Variants in ARHGAP21 observed in about 807,000 individuals in gnomAD.
The protein encoded by ARHGAP21 is Rho GTPase activating protein 21, also known as rho GTPase-activating protein 21.
In ARHGAP21, 38 loss-of-function variants were observed where a neutral mutation model predicts 164.6. The observed-to-expected ratio is 0.23, with a 90% confidence interval of 0.18 to 0.30. ARHGAP21 has a LOEUF of 0.30. Among genes scored for constraint, ARHGAP21 ranks in the 10% least tolerant of loss-of-function variants. The pLI, the probability that ARHGAP21 is intolerant of heterozygous loss-of-function variation, is 1.00. For missense variants in ARHGAP21, 1,822 were observed against 2,370.7 expected, an observed-to-expected ratio of 0.77 and a Z score of 4.81; for synonymous variants, 766 against 857.9, an observed-to-expected ratio of 0.89 and a Z score of 1.87.
chr10:24,671,321 C>G (rs1383192577), intron 2 of ARHGAP21, among the ~76,000 whole-genome samples: 3 of 152,142 alleles, frequency 2.0e-5, no homozygotes, highest in Non-Finnish European at 4.4e-5. Context: ...CTCAAGAGAG[C>G]CTTTAGTGTT....
intron 16 of ARHGAP21, 117 bp downstream of exon 16, chr10:24,597,330 T>G: frequency 4.5e-6 from 6 of 1,329,000 alleles, no homozygotes; most frequent in South Asian, 1.6e-5. Flanking sequence ...TACTATGAAT[T>G]TTGAGCTAGT....
In ARHGAP21 at chr10:24,702,127, C is replaced by CTTTTT. The variant is rs71798625; in HGVS notation, c.63+19705_63+19709dup. ...TGAGGGGGAGAAAATACTTCCGGTT[C>CTTTTT]TTTTTTTTTTTTTTTTTTTTTGAGA... is the stretch of plus-strand genomic sequence containing the variant. On this transcript the variant is annotated intron_variant, in intron 2 of 25. Transcript: ENST00000396432. 1.0e-3 allele frequency among the ~76,000 whole-genome samples: 106 copies of CTTTTT among 104,584 alleles called. 2 individuals are homozygous for CTTTTT. Among genetic ancestry groups the CTTTTT allele is most frequent in the Non-Finnish European group, 1.2e-3 (65 of 55,882 alleles). 68.6% of individuals were successfully genotyped at this position (104,584 alleles called of 152,430 possible). A position where few individuals can be genotyped will look rare whatever the true frequency, so the allele number is the denominator to read the frequency against.
chr10:24,692,989 C>G (rs944497287), intron 2 of ARHGAP21, among the ~76,000 whole-genome samples: 1 of 151,228 alleles, frequency 6.6e-6, no homozygotes, highest in African/African-American at 2.4e-5. Flanking sequence ...AAAAACACAA[C>G]AGGTGCATAC....
At chr10:24,673,588 G>A (rs868572482) in intron 2 of ARHGAP21, among the ~76,000 whole-genome samples, 3 of 152,310 alleles carry the variant, frequency 2.0e-5, no homozygotes, top group Middle Eastern at 3.4e-3. Flanking sequence ...TAGGCCGGCC[G>A]TGGTGGCTCA....
Position 24,604,590 on chromosome 10 carries a change from G to A in ARHGAP21, c.2685-242C>T, listed in dbSNP as rs150303441. Among the ~76,000 whole-genome samples the A allele has an allele frequency of 6.8e-3, 1,041 of 152,100 alleles. 11 individuals carry two copies. The highest frequency in any genetic ancestry group is 0.024 in the African/African-American group (978 of 41,496). On this transcript the variant is annotated intron_variant, in intron 11 of 25. Transcript: ENST00000396432. Reference sequence around the variant, plus strand: ...TTAAAATTGTTTCTGCTTGAAGTGTGGGATTTTCTTTTTTTTATCAAAGAA... The same window carrying A: ...TTAAAATTGTTTCTGCTTGAAGTGTAGGATTTTCTTTTTTTTATCAAAGAA...
At chr10:24,614,851 TC>T (rs1394060906) in intron 9 of ARHGAP21, among the ~76,000 whole-genome samples, 3 of 149,922 alleles carry the variant, frequency 2.0e-5, no homozygotes, top group African/African-American at 7.4e-5. Context: ...AGCATAGCAA[TC>T]TATAAAGTGT....
rs533666457 is a variant in ARHGAP21, at chr10:24,708,707, C to CTT, written c.63+13128_63+13129dup. 3.3e-5 allele frequency among the ~76,000 whole-genome samples: 5 copies of CTT among 152,318 alleles called. No homozygotes were observed. In the South Asian group the frequency reaches 1.0e-3, roughly 32 times the overall value. On this transcript the variant is annotated intron_variant, in intron 2 of 25. Transcript: ENST00000396432. ...AACTTTCTGTGCTTGGTTTGTTTCA[C>CTT]TTAAGATAATGTCCTCCAGTTCCAT... is the stretch of plus-strand genomic sequence containing the variant.
intron 7 of ARHGAP21, among the ~76,000 whole-genome samples, chr10:24,625,180 T>C (rs1477992802): frequency 6.6e-6 from 1 of 151,162 alleles, no homozygotes; most frequent in Non-Finnish European, 1.5e-5. Flanking sequence ...CTTGATTATA[T>C]GTACAATGCC....
intron 15 of ARHGAP21, 89 bp from the exon 16 acceptor site, chr10:24,597,672 A>T: frequency 6.6e-7 from 1 of 1,525,734 alleles, no homozygotes; most frequent in Non-Finnish European, 8.8e-7. Flanking sequence ...TGGTCTGAAA[A>T]TATTAACTGG....
At chr10:24,628,798 CATAT>C (rs545938881) in intron 7 of ARHGAP21, among the ~76,000 whole-genome samples, 2 of 105,646 alleles carry the variant, frequency 1.9e-5, no homozygotes, top group African/African-American at 3.5e-5. Context: ...CATATATACA[CATAT>C]ATACATATAT....
At chr10:24,598,566 CCT>C (rs2076679970) in intron 14 of ARHGAP21, among the ~76,000 whole-genome samples, 1 of 151,976 alleles carries the variant, frequency 6.6e-6, no homozygotes, top group African/African-American at 2.4e-5. Context: ...TTTTTTTTAA[CCT>C]CTGTGAGTTA....
intron 12 of ARHGAP21, among the ~76,000 whole-genome samples, chr10:24,602,574 CATT>C (rs925466598): frequency 3.3e-5 from 5 of 152,196 alleles, no homozygotes; most frequent in African/African-American, 4.8e-5. Flanking sequence ...TGTATATCAT[CATT>C]ATCACTTTAA....
intron 2 of ARHGAP21, among the ~76,000 whole-genome samples, chr10:24,705,263 T>C (rs1004613159): frequency 1.8e-4 from 28 of 152,350 alleles, no homozygotes; most frequent in African/African-American, 6.3e-4. Context: ...CATGTTAAGA[T>C]AATTCCAGTA....
At chr10:24,674,710 A>C (rs61855021) in intron 2 of ARHGAP21, among the ~76,000 whole-genome samples, 1 of 151,962 alleles carries the variant, frequency 6.6e-6, no homozygotes, top group Non-Finnish European at 1.5e-5. Flanking sequence ...TTTTATGAAA[A>C]GTATACACAC....
chr10:24,597,654 G>A, intron 15 of ARHGAP21, 71 bp from the exon 16 acceptor site: 1 of 1,572,376 alleles, frequency 6.4e-7, no homozygotes, highest in Non-Finnish European at 8.6e-7. Flanking sequence ...GTTACCCGTG[G>A]TGAGCCATGG....
intron 12 of ARHGAP21, among the ~76,000 whole-genome samples, chr10:24,603,610 C>T (rs145903413): frequency 2.0e-5 from 3 of 152,110 alleles, no homozygotes; most frequent in African/African-American, 7.2e-5. Flanking sequence ...CAAGAGAATC[C>T]GAAGAAGTGT....
intron 2 of ARHGAP21, among the ~76,000 whole-genome samples, chr10:24,712,712 A>G (rs1446102492): frequency 6.6e-6 from 1 of 152,184 alleles, no homozygotes; most frequent in African/African-American, 2.4e-5. Context: ...CTATGGACAA[A>G]GAAGGGTGTC....
chr10:24,599,755 T>C (rs1208552658), intron 14 of ARHGAP21, among the ~76,000 whole-genome samples: 1 of 152,202 alleles, frequency 6.6e-6, no homozygotes, highest in Non-Finnish European at 1.5e-5. Context: ...AAAAACTATC[T>C]TTACTATTGA....
chr10:24,631,506 C>G (rs1835854527), intron 6 of ARHGAP21, among the ~76,000 whole-genome samples: 1 of 152,148 alleles, frequency 6.6e-6, no homozygotes, highest in African/African-American at 2.4e-5. Context: ...AAACAATCAA[C>G]AACAAAAAAC....
Sources: gnomAD v4.1 joint callset for allele counts (sites outside exome capture counted in the v4.1 genomes callset) on GRCh38, gnomAD v4.1.1 for gene constraint, MANE v1.5 for transcripts, NCBI Gene and HGNC (gene_info 2026-07-23, HGNC 2026-07-21) for gene names.